The following ZFYVE28 variants were observed in gnomAD, a reference collection of about 807,000 sequenced individuals.
The protein encoded by ZFYVE28 is zinc finger FYVE-type containing 28.
A neutral mutation model predicts 82.1 loss-of-function variants in ZFYVE28; 40 were observed. The ratio of observed to expected loss-of-function variants is 0.49; its 90% CI spans 0.38 to 0.63. The LOEUF (loss-of-function observed/expected upper bound fraction) is 0.63. Among genes scored for constraint, ZFYVE28 ranks in the 30% least tolerant of loss-of-function variants. The probability of loss-of-function intolerance (pLI) is 0.00; values close to 1 mark genes in which losing one functional copy is unlikely to be tolerated. For synonymous variants in ZFYVE28, 612 were observed against 546.1 expected, an observed-to-expected ratio of 1.12 and a Z score of -1.68; for missense variants, 1,321 against 1,242.1, an observed-to-expected ratio of 1.06 and a Z score of -0.96.
At chr4:2,349,280 C>T (rs193212498) in intron 2 of ZFYVE28, among the ~76,000 whole-genome samples, 2 of 148,780 alleles carry the variant, frequency 1.3e-5, no homozygotes, top group East Asian at 2.0e-4. Context: ...AATATGCAAA[C>T]ACCGCATATT....
At chr4:2,338,229 T>C (rs1722169613) in intron 4 of ZFYVE28, among the ~76,000 whole-genome samples, 1 of 152,248 alleles carries the variant, frequency 6.6e-6, no homozygotes, top group Non-Finnish European at 1.5e-5. Context: ...GGCCTGCCAG[T>C]GGCTCTGAGA....
chr4:2,319,824 G>C (rs1176772530), intron 7 of ZFYVE28, among the ~76,000 whole-genome samples: 1 of 150,456 alleles, frequency 6.6e-6, no homozygotes, highest in Non-Finnish European at 1.5e-5. Context: ...GGGATGGTGG[G>C]GATGGTGGGG....
chr4:2,314,791 C>CT (rs34058962), intron 7 of ZFYVE28, among the ~76,000 whole-genome samples: 1 of 152,088 alleles, frequency 6.6e-6, no homozygotes, highest in Non-Finnish European at 1.5e-5. Context: ...TCTTGCATTA[C>CT]TTTTTTTAAG....
chr4:2,304,265 T>A (rs761545435), intron 8 of ZFYVE28, 24 bp downstream of exon 8: 1 of 1,532,780 alleles, frequency 6.5e-7, no homozygotes, highest in Non-Finnish European at 8.7e-7. Flanking sequence ...ACAAACCCAG[T>A]CTCTGGGCCA....
In ZFYVE28 at chr4:2,335,803, G is replaced by A; in HGVS notation, c.612-9C>T. On this transcript the variant is annotated splice_polypyrimidine_tract_variant and intron_variant, in intron 5 of 12. Transcript: ENST00000290974. The surrounding 1 kb of genome is among the most constrained non-coding windows in gnomAD (Gnocchi z 5.8). ...ACCCGAAGTCCAGGGCCCTGTCCGG[G>A]GAGACGGACAGTGAGCAGCATGAGG... 1 of 1,554,486 alleles carries A rather than the reference G, an allele frequency of 6.4e-7. No homozygotes were observed.
At chr4:2,290,149 C>T (rs529713652) in intron 8 of ZFYVE28, among the ~76,000 whole-genome samples, 5 of 152,186 alleles carry the variant, frequency 3.3e-5, no homozygotes, top group South Asian at 2.1e-4. Context: ...AGGGGACTCA[C>T]GTGCAAGATC....
intron 1 of ZFYVE28, among the ~76,000 whole-genome samples, chr4:2,355,217 T>C (rs1418306773): frequency 3.8e-4 from 1 of 2,632 alleles, no homozygotes; most frequent in South Asian, 7.2e-3. Context: ...TATATATATA[T>C]ATATATATAT....
intron 8 of ZFYVE28, among the ~76,000 whole-genome samples, chr4:2,283,114 ACCCACCCACCCAC>A (rs1712175409): frequency 6.7e-6 from 1 of 150,048 alleles, no homozygotes; most frequent in African/African-American, 2.5e-5. Flanking sequence ...CCATCCATCC[ACCCACCCACCCAC>A]TCATCCATTT....
intron 7 of ZFYVE28, among the ~76,000 whole-genome samples, chr4:2,311,256 T>C (rs553145093): frequency 1.3e-4 from 20 of 152,206 alleles, no homozygotes; most frequent in Non-Finnish European, 2.5e-4. Flanking sequence ...CCTGGCATGA[T>C]GGCTCACGCT....
chr4:2,345,453 C>T (rs1167229146), intron 2 of ZFYVE28, among the ~76,000 whole-genome samples: 1 of 151,770 alleles, frequency 6.6e-6, no homozygotes, highest in East Asian at 1.9e-4. Context: ...ATGAGATTAA[C>T]CTCAGATTCA....
chr4:2,330,645 T>C, intron 6 of ZFYVE28: 1 of 1,391,552 alleles, frequency 7.2e-7, no homozygotes, highest in Non-Finnish European at 9.3e-7. Context: ...GGGGACAGTG[T>C]AGTGGAGGGG....
rs1209718417 is a variant in ZFYVE28, at chr4:2,274,490, C to T, written c.2052-274G>A. ...GCCTCCTGGAATTGACAGCTGGTGG[C>T]GACTCACCCACTGAGGCTGTACTCC... is the stretch of plus-strand genomic sequence containing the variant. On this transcript the variant is annotated intron_variant, in intron 8 of 12. Transcript: ENST00000290974. Among the ~76,000 whole-genome samples the T allele has an allele frequency of 3.0e-4, 46 of 152,024 alleles. 1 individual carries two copies. Among genetic ancestry groups the T allele is most frequent in the Non-Finnish European group, 4.4e-5 (3 of 68,004 alleles).
At position 2,304,739 on chromosome 4, in the gene ZFYVE28, T is replaced by C; in HGVS notation, c.1601A>G (p.Gln534Arg). 3 of 1,612,652 alleles carry C rather than the reference T, an allele frequency of 1.9e-6. No individual in the cohort carries two copies. Among genetic ancestry groups the C allele is most frequent in the South Asian group, 1.1e-5 (1 of 91,080 alleles). ...GGCCACGGGCTCCGAGGCGGCCTCCTGGGTGGCGACCGCAGAGTCCAGGGA... is the reference window on the plus strand; with the variant it reads ...GGCCACGGGCTCCGAGGCGGCCTCCCGGGTGGCGACCGCAGAGTCCAGGGA... Reference protein sequence around the residue: ...PTSLDSAVATQEAASEPVAEG... With the variant: ...PTSLDSAVATREAASEPVAEG... Residue 534 changes from glutamine to arginine, a missense_variant, in exon 8 of 13, where the codon CAG becomes CGG. By Grantham distance (43) the Gln-to-Arg change is conservative. This residue lies in a region of ZFYVE28 where 978 missense variants were observed against 833.7 expected (regional missense o/e 1.17). Transcript: ENST00000290974.
intron 1 of ZFYVE28, among the ~76,000 whole-genome samples, chr4:2,361,440 C>G (rs2108893178): frequency 6.6e-6 from 1 of 152,270 alleles, no homozygotes; most frequent in East Asian, 1.9e-4. Context: ...CGTGTGAGCT[C>G]AGCCCGTCTG....
rs1276471026 is a variant in ZFYVE28 at position 2,394,983 on chromosome 4, G to C, written c.39+23302C>G. On this transcript the variant is annotated intron_variant, in intron 1 of 12. Transcript: ENST00000290974. The surrounding 1 kb of genome is among the most constrained non-coding windows in gnomAD (Gnocchi z 4.0). Reference sequence around the variant, plus strand: ...CCACATTAAGCCAGGAGAAGCTTCTGTCTTCTTTCCAGGAGATGAAATGAA... The same window carrying C: ...CCACATTAAGCCAGGAGAAGCTTCTCTCTTCTTTCCAGGAGATGAAATGAA... Among the ~76,000 whole-genome samples the C allele has an allele frequency of 6.6e-6, 1 of 152,238 alleles. No individual in the cohort carries two copies. Among genetic ancestry groups the C allele is most frequent in the Non-Finnish European group, 1.5e-5 (1 of 68,038 alleles).
chr4:2,386,677 A>C (rs1449297201), intron 1 of ZFYVE28, among the ~76,000 whole-genome samples: 1 of 152,206 alleles, frequency 6.6e-6, no homozygotes, highest in Non-Finnish European at 1.5e-5. Context: ...CCTCCAGACA[A>C]GGAGGCCCTC....
chr4:2,283,990 T>A (rs1370373851), intron 8 of ZFYVE28, among the ~76,000 whole-genome samples: 1 of 152,226 alleles, frequency 6.6e-6, no homozygotes, highest in African/African-American at 2.4e-5. Context: ...CTTGGCCTGT[T>A]GGTCAGTGCC....
chr4:2,359,942 C>A (rs181438509), intron 1 of ZFYVE28, among the ~76,000 whole-genome samples: 55 of 152,308 alleles, frequency 3.6e-4, no homozygotes, highest in African/African-American at 1.1e-3. Flanking sequence ...ACCCTGGGGA[C>A]CCCCATCCAC....
intron 7 of ZFYVE28, among the ~76,000 whole-genome samples, chr4:2,308,675 A>AAGAAAGAAAGAGAGAGAG (rs1200372952): frequency 6.4e-5 from 6 of 93,146 alleles, no homozygotes; most frequent in African/African-American, 2.1e-4. Context: ...GAAAGAAAGA[A>AAGAAAGAAAGAGAGAGAG]AGAGAAAGAA....
Sources: gnomAD v4.1 joint callset for allele counts (sites outside exome capture counted in the v4.1 genomes callset) on GRCh38, gnomAD v4.1.1 for gene constraint, gnomAD v4.1.1 regional missense constraint, Gnocchi (gnomAD v3.1) non-coding constraint, MANE v1.5 for transcripts, NCBI Gene and HGNC (gene_info 2026-07-23, HGNC 2026-07-21) for gene names.